The following VSNL1 variants were observed in gnomAD, a reference collection of about 807,000 sequenced individuals.
The protein encoded by VSNL1 is visinin like 1.
Under a neutral mutation model 20.4 loss-of-function variants are expected in VSNL1, and 6 were observed. The ratio of observed to expected loss-of-function variants is 0.29; its 90% confidence interval spans 0.16 to 0.58. The LOEUF (loss-of-function observed/expected upper bound fraction) is 0.58, where lower values mean the gene tolerates loss of function less well. Ranked by LOEUF, VSNL1 falls within the 20% of genes least tolerant of loss-of-function variation. VSNL1 has a pLI of 0.90. For missense variants in VSNL1, 100 were observed against 234.5 expected (o/e 0.43, Z 3.75); for synonymous variants, 93 against 86.4 (o/e 1.08, Z -0.42).
intron 2 of VSNL1, among the ~76,000 whole-genome samples, chr2:17,647,300 C>CT (rs1666019324): frequency 6.6e-6 from 1 of 152,150 alleles, no homozygotes; most frequent in African/African-American, 2.4e-5. Context: ...TTCGTGCCCA[C>CT]TGGTCTCATG....
intron 1 of VSNL1, among the ~76,000 whole-genome samples, chr2:17,548,201 C>T (rs1269172412): frequency 6.6e-6 from 1 of 151,992 alleles, no homozygotes; most frequent in African/African-American, 2.4e-5. Flanking sequence ...TAGCCCCTCT[C>T]CACATTTCCC....
intron 2 of VSNL1, among the ~76,000 whole-genome samples, chr2:17,602,508 C>T (rs1400220357): frequency 6.6e-6 from 1 of 152,100 alleles, no homozygotes; most frequent in Non-Finnish European, 1.5e-5. Flanking sequence ...TTTGGGATGC[C>T]GAGGCGGGTG....
chr2:17,616,380 T>G (rs964648196), intron 2 of VSNL1, among the ~76,000 whole-genome samples: 6 of 152,228 alleles, frequency 3.9e-5, no homozygotes, highest in African/African-American at 1.4e-4. Context: ...ATCTAATTGA[T>G]GAGCTCCAAT....
At chr2:17,585,875 G>A (rs1018383957) in intron 1 of VSNL1, among the ~76,000 whole-genome samples, 1 of 149,122 alleles carries the variant, frequency 6.7e-6, no homozygotes, top group Non-Finnish European at 1.5e-5. Flanking sequence ...GTGCGATCTT[G>A]GCTCACTGCA....
chr2:17,572,480 G>A (rs927706063), intron 1 of VSNL1, among the ~76,000 whole-genome samples: 7 of 152,030 alleles, frequency 4.6e-5, no homozygotes, highest in Non-Finnish European at 4.4e-5. Flanking sequence ...AGCAGCCCAG[G>A]ATACTTATGC....
At chr2:17,624,273 G>A (rs571207431) in intron 2 of VSNL1, among the ~76,000 whole-genome samples, 38 of 152,306 alleles carry the variant, frequency 2.5e-4, no homozygotes, top group Admixed American at 2.4e-3. Flanking sequence ...CAGGTCTGAG[G>A]CTCACTCGCT....
At chr2:17,605,391 GC>G (rs200281554) in intron 2 of VSNL1, among the ~76,000 whole-genome samples, 1 of 151,148 alleles carries the variant, frequency 6.6e-6, no homozygotes, top group Admixed American at 6.6e-5. Context: ...AGTCACCACT[GC>G]TTCTATGTGA....
At chr2:17,560,043 A>T (rs981964534) in intron 1 of VSNL1, among the ~76,000 whole-genome samples, 2 of 151,882 alleles carry the variant, frequency 1.3e-5, no homozygotes, top group Non-Finnish European at 2.9e-5. Flanking sequence ...AATATTCAGA[A>T]ATTAAAATTA....
intron 1 of VSNL1, among the ~76,000 whole-genome samples, chr2:17,578,583 C>T (rs573278033): frequency 3.9e-5 from 6 of 152,182 alleles, no homozygotes; most frequent in Non-Finnish European, 5.9e-5. Flanking sequence ...CCAGAGGAAG[C>T]GGCACTTCCT....
At chr2:17,630,095 C>A (rs1280057209) in intron 2 of VSNL1, among the ~76,000 whole-genome samples, 1 of 152,190 alleles carries the variant, frequency 6.6e-6, no homozygotes, top group East Asian at 1.9e-4. Flanking sequence ...AGCAAGCAAG[C>A]CAAACGAGAA....
intron 2 of VSNL1, among the ~76,000 whole-genome samples, chr2:17,626,805 T>C (rs903502784): frequency 3.3e-5 from 5 of 152,200 alleles, no homozygotes; most frequent in African/African-American, 1.2e-4. Context: ...TGTCACTGGG[T>C]AGAAGCCTCA....
chr2:17,615,944 ATT>A (rs1439503274), intron 2 of VSNL1, among the ~76,000 whole-genome samples: 1 of 152,248 alleles, frequency 6.6e-6, no homozygotes, highest in African/African-American at 2.4e-5. Flanking sequence ...ATCATGATTC[ATT>A]TTAGTCCAAT....
chr2:17,554,017 T>C (rs1051649836), intron 1 of VSNL1, among the ~76,000 whole-genome samples: 1 of 152,164 alleles, frequency 6.6e-6, no homozygotes, highest in Non-Finnish European at 1.5e-5. Context: ...TCTAAAACCA[T>C]GTATGAAGTT....
chr2:17,554,135 T>C (rs1253519193), intron 1 of VSNL1, among the ~76,000 whole-genome samples: 1 of 152,156 alleles, frequency 6.6e-6, no homozygotes, highest in Non-Finnish European at 1.5e-5. Context: ...ATTTAGAGAA[T>C]GTAAAGTGAG....
chr2:17,622,698 T>C (rs994923794), intron 2 of VSNL1, among the ~76,000 whole-genome samples: 2 of 152,132 alleles, frequency 1.3e-5, no homozygotes, highest in Non-Finnish European at 2.9e-5. Flanking sequence ...CAGGAAAGAT[T>C]AGGCTCATGG....
At chr2:17,592,379 C>A in intron 2 of VSNL1, 143 bp downstream of exon 2, 2 of 903,016 alleles carry the variant, frequency 2.2e-6, no homozygotes, top group Non-Finnish European at 3.3e-6. Flanking sequence ...GAAAAATTAA[C>A]ATTTAAAAAT....
intron 2 of VSNL1, among the ~76,000 whole-genome samples, chr2:17,611,951 GT>G (rs1485966299): frequency 2.0e-5 from 3 of 152,216 alleles, no homozygotes; most frequent in Non-Finnish European, 4.4e-5. Context: ...CTTTCTTTAT[GT>G]TCTCAGATTA....
intron 1 of VSNL1, among the ~76,000 whole-genome samples, chr2:17,569,354 A>G (rs1003969877): frequency 1.3e-5 from 2 of 151,516 alleles, no homozygotes; most frequent in African/African-American, 4.8e-5. Flanking sequence ...AAATAAATTA[A>G]AAATTAAAAA....
At chr2:17,646,548 T>C (rs941124429) in intron 2 of VSNL1, among the ~76,000 whole-genome samples, 1 of 152,232 alleles carries the variant, frequency 6.6e-6, no homozygotes, top group African/African-American at 2.4e-5. Context: ...GATTTTGTTA[T>C]GAAAATTAAG....
Sources: gnomAD v4.1 joint callset for allele counts (sites outside exome capture counted in the v4.1 genomes callset) on GRCh38, gnomAD v4.1.1 for gene constraint, MANE v1.5 for transcripts, NCBI Gene and HGNC (gene_info 2026-07-23, HGNC 2026-07-21) for gene names.